The following KMT2C variants were observed in gnomAD, a reference collection of about 807,000 sequenced individuals.
KMT2C encodes the protein lysine methyltransferase 2C, also known as histone-lysine N-methyltransferase 2C.
In KMT2C, 88 loss-of-function variants were observed where a neutral mutation model predicts 507.9. That is an observed-to-expected ratio of 0.17 (90% CI 0.15 to 0.21). The LOEUF (loss-of-function observed/expected upper bound fraction) is 0.21, where lower values mean the gene tolerates loss of function less well. KMT2C is among the 10% of genes least tolerant of loss of function. KMT2C has a pLI of 1.00. For synonymous variants in KMT2C, 2,049 were observed against 2,080.8 expected (o/e 0.98, Z 0.42); for missense variants, 4,954 against 5,957.8 (o/e 0.83, Z 5.55).
At chr7:152,356,490 C>T (rs967086738) in intron 2 of KMT2C, among the ~76,000 whole-genome samples, 5 of 151,876 alleles carry the variant, frequency 3.3e-5, no homozygotes, top group African/African-American at 1.2e-4. Context: ...ACAGGAGAAT[C>T]ACTTGAACCT....
intron 2 of KMT2C, among the ~76,000 whole-genome samples, chr7:152,342,530 A>C (rs2097005939): frequency 6.6e-6 from 1 of 152,196 alleles, no homozygotes; most frequent in South Asian, 2.1e-4. Context: ...GTCACAGGGC[A>C]AACAGGTACC....
chr7:152,416,855 A>C (rs1171791153), intron 1 of KMT2C, among the ~76,000 whole-genome samples: 1 of 151,614 alleles, frequency 6.6e-6, no homozygotes, highest in Admixed American at 6.6e-5. Flanking sequence ...GTTCAAGACT[A>C]GCCTGGCCAA....
rs1263340693 is a variant in KMT2C, at chr7:152,194,421, T to C, written c.4507+19A>G. On this transcript the variant is annotated intron_variant, in intron 29 of 58. Transcript: ENST00000262189. The stretch of plus-strand genomic sequence containing the variant: ...ACTCAGGTCTTTTAGAAAGCCTAGA[T>C]GTAGGGCAAATATTTTACCATCTGT... 6.2e-7 allele frequency: 1 copy of C among 1,611,498 alleles called. No individual in the cohort carries two copies. The highest frequency in any genetic ancestry group is 1.1e-5 in the South Asian group (1 of 90,762).
chr7:152,309,773 G>A (rs539172594), intron 6 of KMT2C, among the ~76,000 whole-genome samples, 193 bp downstream of exon 6: 3 of 151,844 alleles, frequency 2.0e-5, no homozygotes, highest in Admixed American at 6.6e-5. Context: ...CACCCACCTC[G>A]GCCTCCCAAA....
rs1301632462 is a variant in KMT2C, at chr7:152,205,205, G to A, written c.3862C>T (p.Arg1288Trp). 3.7e-6 allele frequency: 6 copies of A among 1,609,878 alleles called. No homozygotes were observed. The highest frequency in any genetic ancestry group is 1.1e-5 in the South Asian group (1 of 90,908). ...CCTTGCCCAGTTCGACTTCTTTGCCGCACCATAAATCCACCAATACCTATC... is the reference window on the plus strand; with the variant it reads ...CCTTGCCCAGTTCGACTTCTTTGCCACACCATAAATCCACCAATACCTATC... ...YRPGIGGFMVRQRSRTGQGKT... is the reference protein window; with the variant it reads ...YRPGIGGFMVWQRSRTGQGKT... Residue 1288 changes from arginine to tryptophan, a missense_variant, in exon 25 of 59, where the codon CGG (arginine) becomes TGG (tryptophan). Coordinates refer to ENST00000262189, the MANE Select transcript of KMT2C (RefSeq NM_170606.3).
intron 31 of KMT2C, among the ~76,000 whole-genome samples, chr7:152,188,591 T>C (rs1205660350): frequency 1.4e-5 from 2 of 141,218 alleles, no homozygotes; most frequent in African/African-American, 5.4e-5. Context: ...AAAAAAAAAA[T>C]CTATGATTCT....
In KMT2C at chr7:152,199,280, G is replaced by C. The variant is rs200156200; in HGVS notation, c.4272C>G (p.His1424Gln). The C allele has an allele frequency of 6.3e-7, 1 of 1,587,142 alleles. No individual in the cohort carries two copies. The highest frequency in any genetic ancestry group is 8.6e-7 in the Non-Finnish European group (1 of 1,169,424). The part of the protein sequence containing the change: ...SSSAPTKSGT[H>Q]GPADDPLADI... ...ATATCTGTGAATAATTCTACATACC[G>C]TGAGTTCCAGATTTTGTTGGAGCCG... The change falls in exon 27 of 59, where the codon CAC becomes CAG. Residue 1424 changes from histidine to glutamine, a missense_variant and splice_region_variant. Around this residue, in one of 29 missense-constraint regions of KMT2C, gnomAD observed 140 missense variants for 118.4 expected, o/e 1.18. Coordinates refer to ENST00000262189, the MANE Select transcript of KMT2C (RefSeq NM_170606.3).
intron 27 of KMT2C, among the ~76,000 whole-genome samples, chr7:152,198,053 A>T (rs951396080): frequency 1.3e-5 from 2 of 152,202 alleles, no homozygotes; most frequent in African/African-American, 4.8e-5. Context: ...GCTAGTTATG[A>T]GAGTTATAAG....
intron 1 of KMT2C, among the ~76,000 whole-genome samples, chr7:152,433,494 T>C (rs9801214): frequency 6.6e-6 from 1 of 152,170 alleles, no homozygotes; most frequent in Non-Finnish European, 1.5e-5. Context: ...GGAGATTCCA[T>C]TCCCTTCAAA....
intron 12 of KMT2C, 134 bp downstream of exon 12, chr7:152,250,719 A>G (rs2095549939): frequency 5.3e-6 from 3 of 564,918 alleles, no homozygotes; most frequent in Non-Finnish European, 9.4e-6. Flanking sequence ...TAATTTGTCT[A>G]AGATTATTTT....
intron 33 of KMT2C, among the ~76,000 whole-genome samples, chr7:152,187,051 T>C (rs2093648660): frequency 6.6e-6 from 1 of 152,206 alleles, no homozygotes; most frequent in South Asian, 2.1e-4. Context: ...ATTTCACTAA[T>C]TGAAACTAAT....
At chr7:152,243,081 T>C (rs2095413893) in intron 14 of KMT2C, among the ~76,000 whole-genome samples, 1 of 152,208 alleles carries the variant, frequency 6.6e-6, no homozygotes, top group Non-Finnish European at 1.5e-5. Flanking sequence ...CACTTCACTA[T>C]TTAGGGAATT....
chr7:152,300,988 G>A (rs1321051568), intron 6 of KMT2C, among the ~76,000 whole-genome samples: 1 of 152,004 alleles, frequency 6.6e-6, no homozygotes, highest in Admixed American at 6.5e-5. Context: ...AACCAGGGAG[G>A]CAGAGGTTGC....
At chr7:152,356,438 T>C (rs1341182249) in intron 2 of KMT2C, among the ~76,000 whole-genome samples, 1 of 151,424 alleles carries the variant, frequency 6.6e-6, no homozygotes, top group African/African-American at 2.4e-5. Context: ...TAGCCGGGCG[T>C]GGTGGCGGGT....
rs1430737007 is a variant in KMT2C at position 152,224,678 on chromosome 7, A to G, written c.2977-62T>C. Reference sequence around the variant, plus strand: ...TTAACCTAACATAATCAAATATACTATATAAATTAATATGGTGCTTATGTA... The same window carrying G: ...TTAACCTAACATAATCAAATATACTGTATAAATTAATATGGTGCTTATGTA... On this transcript the variant is annotated intron_variant, in intron 18 of 58. Transcript: ENST00000262189. 110 of 842,920 alleles carry G rather than the reference A, an allele frequency of 1.3e-4. No homozygotes were observed. The East Asian group carries it at 2.3e-3, about 17-fold the overall frequency. The allele number at this position is 842,920 out of a possible 1,614,324, so 52.2% of individuals were successfully genotyped here. A position where few individuals can be genotyped will look rare whatever the true frequency, so the allele number is the denominator to read the frequency against.
At chr7:152,178,784 T>G (rs1013965543) in intron 37 of KMT2C, among the ~76,000 whole-genome samples, 4 of 152,044 alleles carry the variant, frequency 2.6e-5, no homozygotes, top group African/African-American at 7.2e-5. Context: ...GAGGTAGAGA[T>G]ATAAGACTAA....
At position 152,181,708 on chromosome 7, in the gene KMT2C, G is replaced by A. The variant is rs2129120215; in HGVS notation, c.6152C>T (p.Pro2051Leu). ...GPFKTPMQPP[P>L]SSQDPYGSVS... Reference sequence around the variant, plus strand: ...TGATCCATAAGGATCCTGAGAGGATGGAGGAGGTTGCATTGGAGTCTTAAA... The same window carrying A: ...TGATCCATAAGGATCCTGAGAGGATAGAGGAGGTTGCATTGGAGTCTTAAA... Residue 2051 changes from proline to leucine, a missense_variant, in exon 36 of 59, where the codon CCA (proline) becomes CTA (leucine). Pro to Leu is a moderately conservative substitution (Grantham distance 98, BLOSUM62 -3). Around this residue, in one of 29 missense-constraint regions of KMT2C, gnomAD observed 1,689 missense variants for 1,654.3 expected, o/e 1.02. Coordinates refer to ENST00000262189, the MANE Select transcript of KMT2C (RefSeq NM_170606.3). 6.2e-7 allele frequency: 1 copy of A among 1,614,192 alleles called. No individual in the cohort carries two copies. The highest frequency in any genetic ancestry group is 8.5e-7 in the Non-Finnish European group (1 of 1,180,032).
intron 9 of KMT2C, among the ~76,000 whole-genome samples, chr7:152,257,717 T>G (rs1420148982): frequency 6.6e-6 from 1 of 152,166 alleles, no homozygotes; most frequent in Non-Finnish European, 1.5e-5. Context: ...GTTATGCATA[T>G]GTATATGAAT....
At position 152,187,740 on chromosome 7, in the gene KMT2C, C is replaced by T. The variant is rs1455786591; in HGVS notation, c.4768G>A (p.Ala1590Thr). 1 of 1,613,880 alleles carries T rather than the reference C, an allele frequency of 6.2e-7. No individual in the cohort carries two copies. The highest frequency in any genetic ancestry group is 8.5e-7 in the Non-Finnish European group (1 of 1,179,974). Reference protein sequence around the residue: ...GSGLGTFSAIAQSSYPDARDK... With the variant: ...GSGLGTFSAITQSSYPDARDK... ...CTGGCATCAGGATAAGAGGATTGTG[C>T]AATTGCAGAGAAAGTTCCCAGTCCG... is the stretch of plus-strand genomic sequence containing the variant. Residue 1590 changes from alanine (A) to threonine (T), a missense_variant, in exon 32 of 59, where the codon GCA becomes ACA. Ala to Thr is a moderately conservative substitution (Grantham distance 58). Transcript: ENST00000262189.
Sources: gnomAD v4.1 joint callset for allele counts (sites outside exome capture counted in the v4.1 genomes callset) on GRCh38, gnomAD v4.1.1 for gene constraint, gnomAD v4.1.1 regional missense constraint, MANE v1.5 for transcripts, NCBI Gene and HGNC (gene_info 2026-07-23, HGNC 2026-07-21) for gene names.